The following CCDC91 variants were observed in gnomAD, a reference collection of about 807,000 sequenced individuals.
The protein encoded by CCDC91 is coiled-coil domain containing 91.
Under a neutral mutation model 63.2 loss-of-function variants are expected in CCDC91, and 48 were observed. The observed-to-expected ratio is 0.76, with a 90% CI of 0.60 to 0.97. The LOEUF (loss-of-function observed/expected upper bound fraction) is 0.97. Ranked by LOEUF, CCDC91 falls within the 50% of genes least tolerant of loss-of-function variation. The pLI, the probability that CCDC91 is intolerant of heterozygous loss-of-function variation, is 0.00. For missense variants in CCDC91, 500 were observed against 494.6 expected (o/e 1.01, Z -0.10); for synonymous variants, 167 against 165.8 (o/e 1.01, Z -0.06).
At chr12:28,444,663 C>CACTG (rs1480917872) in intron 8 of CCDC91, among the ~76,000 whole-genome samples, 2 of 152,080 alleles carry the variant, frequency 1.3e-5, no homozygotes, top group East Asian at 3.9e-4. Flanking sequence ...GAACAACAGA[C>CACTG]ACTGGGGTCT....
intron 11 of CCDC91, among the ~76,000 whole-genome samples, chr12:28,468,269 G>A (rs1449820834): frequency 1.3e-5 from 2 of 151,180 alleles, no homozygotes; most frequent in African/African-American, 2.4e-5. Flanking sequence ...ATCTCATCTA[G>A]TATCTATACT....
chr12:28,439,970 TAAA>T (rs200613015), intron 8 of CCDC91, among the ~76,000 whole-genome samples: 2 of 138,410 alleles, frequency 1.4e-5, no homozygotes, highest in Admixed American at 7.2e-5. Context: ...TTCAATTTGC[TAAA>T]AAAAAAAAAA....
intron 7 of CCDC91, among the ~76,000 whole-genome samples, chr12:28,371,686 T>C (rs1393574708): frequency 6.6e-6 from 1 of 152,244 alleles, no homozygotes; most frequent in African/African-American, 2.4e-5. Context: ...CAGTGGGTTC[T>C]GCATCCATGA....
intron 1 of CCDC91, among the ~76,000 whole-genome samples, chr12:28,232,280 A>G (rs1170500195): frequency 1.3e-5 from 2 of 152,168 alleles, no homozygotes; most frequent in Non-Finnish European, 2.9e-5. Context: ...AGAGTGAGGG[A>G]TAAGTTTAGA....
At chr12:28,335,264 T>TATATAATATAGAATACATATTATATATA (rs1555187099) in intron 6 of CCDC91, among the ~76,000 whole-genome samples, 1 of 126,470 alleles carries the variant, frequency 7.9e-6, no homozygotes, top group Admixed American at 8.2e-5. Flanking sequence ...ATACATATAA[T>TATATAATATAGAATACATATTATATATA]ATATAATATA....
intron 1 of CCDC91, among the ~76,000 whole-genome samples, chr12:28,217,090 C>T (rs1304335074): frequency 1.3e-5 from 2 of 152,058 alleles, no homozygotes; most frequent in Non-Finnish European, 2.9e-5. Context: ...TACACATCTT[C>T]CCTTATAATA....
At chr12:28,298,567 T>A (rs1179560587) in intron 3 of CCDC91, among the ~76,000 whole-genome samples, 1 of 151,342 alleles carries the variant, frequency 6.6e-6, no homozygotes, top group Admixed American at 6.6e-5. Context: ...GTTATTTTTT[T>A]ATTTTTTCTT....
chr12:28,343,681 A>G (rs1290888088), intron 6 of CCDC91, among the ~76,000 whole-genome samples: 1 of 152,126 alleles, frequency 6.6e-6, no homozygotes, highest in Non-Finnish European at 1.5e-5. Context: ...TTCTATAATT[A>G]TACAACTAAA....
intron 1 of CCDC91, among the ~76,000 whole-genome samples, chr12:28,208,789 C>CT (rs930033260): frequency 4.6e-5 from 7 of 152,042 alleles, no homozygotes; most frequent in South Asian, 2.1e-4. Context: ...CAAAGAAAAT[C>CT]TTTCATTATT....
rs530285105 is a variant in CCDC91 at position 28,210,670 on chromosome 12, T to G, written c.-15+20029T>G. ...CTCTTTAATAAAAGTTCTTATAAATTTTTTATTACCTGACTTTAGCCAGGA... is the reference window on the plus strand; with the variant it reads ...CTCTTTAATAAAAGTTCTTATAAATGTTTTATTACCTGACTTTAGCCAGGA... On this transcript the variant is annotated intron_variant, in intron 1 of 12. Coordinates refer to ENST00000536442, the MANE Select transcript of CCDC91 (RefSeq NM_018318.5). Among the ~76,000 whole-genome samples the G allele has an allele frequency of 3.9e-5, 6 of 152,252 alleles. No homozygotes were observed. The South Asian group carries it at 1.2e-3, about 32-fold the overall frequency.
chr12:28,443,235 AG>A (rs1355807564), intron 8 of CCDC91, among the ~76,000 whole-genome samples: 4 of 149,068 alleles, frequency 2.7e-5, no homozygotes, highest in Non-Finnish European at 4.5e-5. Context: ...AAGGAGTCCT[AG>A]GCAAAAAAAA....
chr12:28,449,600 C>T (rs1428631853), intron 8 of CCDC91, among the ~76,000 whole-genome samples: 2 of 151,980 alleles, frequency 1.3e-5, no homozygotes, highest in East Asian at 1.9e-4. Context: ...TAACTTTATA[C>T]ACATTTATAT....
chr12:28,508,675 A>G (rs1376344515), intron 12 of CCDC91, among the ~76,000 whole-genome samples: 1 of 151,886 alleles, frequency 6.6e-6, no homozygotes, highest in East Asian at 1.9e-4. Context: ...TAAAAGTGTA[A>G]TGAAACTCAT....
intron 11 of CCDC91, among the ~76,000 whole-genome samples, chr12:28,468,346 A>C (rs551631808): frequency 6.6e-6 from 1 of 151,896 alleles, no homozygotes; most frequent in East Asian, 1.9e-4. Context: ...ATGTAGAAGA[A>C]ATTGACAAAT....
At chr12:28,516,971 A>G (rs911640579) in intron 12 of CCDC91, among the ~76,000 whole-genome samples, 27 of 151,974 alleles carry the variant, frequency 1.8e-4, no homozygotes, top group Non-Finnish European at 1.5e-5. Flanking sequence ...AGTCATGCAA[A>G]CTAGCCAGAA....
At chr12:28,537,180 C>T (rs916878128) in intron 12 of CCDC91, among the ~76,000 whole-genome samples, 2 of 151,806 alleles carry the variant, frequency 1.3e-5, no homozygotes, top group African/African-American at 2.4e-5. Context: ...TTCTTTTTCA[C>T]TATTCTAGCT....
chr12:28,549,087 AG>A lies in CCDC91; in HGVS notation c.1241del (p.Ser414ThrfsTer16). ...KRLDQVIRQR[S>X]LSSLELFLSC... ...GCTCGATCAAGTCATCCGCCAAAGA[AG>A]CCTGTCCAGTTTGGAACTGTTCCTC... On this transcript the variant is annotated frameshift_variant, in exon 13 of 13. Coordinates refer to ENST00000536442, the MANE Select transcript of CCDC91 (RefSeq NM_018318.5). LOFTEE classifies it high-confidence loss of function. 1 of 1,612,388 alleles carries A rather than the reference AG, an allele frequency of 6.2e-7. No individual in the cohort carries two copies. The highest frequency in any genetic ancestry group is 8.5e-7 in the Non-Finnish European group (1 of 1,178,826).
intron 12 of CCDC91, among the ~76,000 whole-genome samples, chr12:28,533,578 AT>A (rs1386182885): frequency 6.6e-6 from 1 of 152,060 alleles, no homozygotes; most frequent in Non-Finnish European, 1.5e-5. Context: ...TTGATAAAAA[AT>A]ATATCTGTTT....
At position 28,370,411 on chromosome 12, in the gene CCDC91, C is replaced by T. The variant is rs546551940; in HGVS notation, c.654+7896C>T. Among the ~76,000 whole-genome samples the T allele has an allele frequency of 5.3e-5, 8 of 152,270 alleles. No homozygotes were observed. In the South Asian group the frequency reaches 1.7e-3, roughly 32 times the overall value. ...CAAGAGTGACATTTGCTCCAGATCC[C>T]AATAGGTTTCTCATCCTCCTCTGAG... On this transcript the variant is annotated intron_variant, in intron 7 of 12. Coordinates refer to ENST00000536442, the MANE Select transcript of CCDC91 (RefSeq NM_018318.5).
Sources: allele counts gnomAD v4.1 joint callset (sites outside exome capture counted in the v4.1 genomes callset), GRCh38; gene constraint gnomAD v4.1.1; transcripts MANE v1.5; gene names NCBI Gene and HGNC (gene_info 2026-07-23, HGNC 2026-07-21).